IL1RL2: variants seen among roughly 807,000 people sequenced by gnomAD.
The protein encoded by IL1RL2 is interleukin 1 receptor like 2.
IL1RL2 carries 68 observed loss-of-function variants against 66.8 expected under a neutral mutation model. That is an observed-to-expected ratio of 1.02 (90% CI 0.84 to 1.25). The LOEUF (loss-of-function observed/expected upper bound fraction) is 1.25. IL1RL2 is among the 50% of genes most tolerant of loss of function. The pLI is 0.00. For synonymous variants in IL1RL2, 305 were observed against 264.6 expected (o/e 1.15, Z -1.48); for missense variants, 729 against 709.3 (o/e 1.03, Z -0.32).
chr2:102,228,469 G>C (rs191487999), intron 9 of IL1RL2, among the ~76,000 whole-genome samples: 3 of 152,354 alleles, frequency 2.0e-5, no homozygotes, highest in Non-Finnish European at 4.4e-5. Flanking sequence ...CCTAGCTGAA[G>C]TCAGCAAGTT....
At chr2:102,236,578 C>T (rs997332679) in intron 11 of IL1RL2, among the ~76,000 whole-genome samples, 9 of 152,172 alleles carry the variant, frequency 5.9e-5, no homozygotes, top group Admixed American at 2.6e-4. Context: ...ATTTTTATTT[C>T]GGTAAACTAT....
chr2:102,194,868 C>T (rs1687530080), intron 4 of IL1RL2, among the ~76,000 whole-genome samples: 1 of 152,048 alleles, frequency 6.6e-6, no homozygotes, highest in Admixed American at 6.6e-5. Context: ...CTGCCTCAGC[C>T]TCCTGAGTGG....
At chr2:102,233,876 A>G (rs540498616) in intron 10 of IL1RL2, among the ~76,000 whole-genome samples, 1 of 152,290 alleles carries the variant, frequency 6.6e-6, no homozygotes, top group Admixed American at 6.5e-5. Flanking sequence ...TTTTCTAGTC[A>G]CCAGTAAATG....
At chr2:102,226,402 A>G (rs1690620690) in intron 9 of IL1RL2, among the ~76,000 whole-genome samples, 1 of 152,224 alleles carries the variant, frequency 6.6e-6, no homozygotes, top group Non-Finnish European at 1.5e-5. Flanking sequence ...TGCTCAGCAC[A>G]GTGGGTACTT....
Position 102,219,945 on chromosome 2 carries a change from A to G in IL1RL2, c.919A>G (p.Met307Val). ...TVNITFLEVK[M>V]EDYGLPFMCH... ...AAACATCACCTTCTTGGAAGTGAAA[A>G]TGGAAGATTATGGCCTTCCTTTCAT... Residue 307 changes from methionine (M) to valine (V), a missense_variant, in exon 8 of 12, where the codon ATG becomes GTG. Met to Val is a conservative substitution (Grantham distance 21). Coordinates refer to ENST00000264257, the MANE Select transcript of IL1RL2 (RefSeq NM_003854.4). 6.2e-7 allele frequency: 1 copy of G among 1,613,798 alleles called. No individual in the cohort carries two copies. The highest frequency in any genetic ancestry group is 2.2e-5 in the East Asian group (1 of 44,884).
intron 7 of IL1RL2, 112 bp downstream of exon 7, chr2:102,219,194 T>A: frequency 8.5e-7 from 1 of 1,169,672 alleles, no homozygotes; most frequent in Non-Finnish European, 1.3e-6. Context: ...CAATGATTCA[T>A]GTTATCAATC....
At chr2:102,216,674 C>T (rs1009970209) in intron 6 of IL1RL2, among the ~76,000 whole-genome samples, 3 of 151,940 alleles carry the variant, frequency 2.0e-5, no homozygotes, top group Admixed American at 1.3e-4. Flanking sequence ...CTCTTGTTTA[C>T]TTTTGTGGTT....
intron 9 of IL1RL2, among the ~76,000 whole-genome samples, chr2:102,229,136 G>A (rs1255579106): frequency 1.3e-5 from 2 of 152,218 alleles, no homozygotes; most frequent in Non-Finnish European, 2.9e-5. Flanking sequence ...TTGAGAGAAA[G>A]TAGGGAATTG....
intron 1 of IL1RL2, chr2:102,187,476 C>G (rs1396493197): frequency 2.4e-6 from 2 of 849,454 alleles, no homozygotes; most frequent in Admixed American, 4.0e-5. Context: ...TGGGGTCCCA[C>G]GTCTGGAACC....
In IL1RL2 at chr2:102,239,233, A is replaced by ACTGGCTAAGACTTG; in HGVS notation, c.1725_*10dup. The ACTGGCTAAGACTTG allele has an allele frequency of 6.2e-7, 1 of 1,613,996 alleles. No individual in the cohort carries two copies. The stretch of plus-strand genomic sequence containing the variant: ...AAGAAGAAAGAAGTGTACTCTCACG[A>ACTGGCTAAGACTTG]CTGGCTAAGACTTGCTGGACTGACA... On this transcript the variant is annotated stop_gained and frameshift_variant, in exon 12 of 12. Coordinates refer to ENST00000264257, the MANE Select transcript of IL1RL2 (RefSeq NM_003854.4). LOFTEE classifies it high-confidence loss of function.
intron 2 of IL1RL2, 120 bp downstream of exon 2, chr2:102,188,045 G>A (rs942048748): frequency 4.3e-5 from 39 of 904,406 alleles, no homozygotes; most frequent in Non-Finnish European, 6.5e-5. Context: ...TCCCCAGACC[G>A]CCAGGCGGAG....
intron 8 of IL1RL2, 87 bp downstream of exon 8, chr2:102,220,104 TCA>T (rs781576076): frequency 1.5e-4 from 195 of 1,268,348 alleles, no homozygotes; most frequent in Non-Finnish European, 1.7e-4. Flanking sequence ...CTCTAAATGC[TCA>T]GTGTGAGGCA....
intron 9 of IL1RL2, 82 bp from the exon 10 acceptor site, chr2:102,232,881 G>T: frequency 6.6e-7 from 1 of 1,505,078 alleles, no homozygotes; most frequent in Non-Finnish European, 9.0e-7. Context: ...AGGACACCAT[G>T]GTAGCCGCTC....
intron 2 of IL1RL2, 151 bp downstream of exon 2, chr2:102,188,076 A>G: frequency 1.4e-6 from 1 of 708,314 alleles, no homozygotes; most frequent in South Asian, 1.6e-5. Flanking sequence ...GAGGAAACAG[A>G]GAACCAGCTC....
intron 5 of IL1RL2, among the ~76,000 whole-genome samples, chr2:102,210,812 G>C (rs1254331652): frequency 1.3e-5 from 2 of 152,144 alleles, no homozygotes; most frequent in Non-Finnish European, 2.9e-5. Flanking sequence ...GTCCAGAGTA[G>C]GTCATGGCCT....
intron 4 of IL1RL2, 30 bp downstream of exon 4, chr2:102,192,150 T>A (rs761857982): frequency 6.9e-7 from 1 of 1,450,744 alleles, no homozygotes; most frequent in South Asian, 1.3e-5. Context: ...TTGATATTTT[T>A]CCTCCTTTTC....
At chr2:102,241,508 A>G (rs1158112946), downstream of IL1RL2, among the ~76,000 whole-genome samples, 1 of 152,230 alleles carries the variant, frequency 6.6e-6, no homozygotes, top group African/African-American at 2.4e-5. Context: ...CACTACAAAA[A>G]GGGCCAGAGA....
chr2:102,187,829 T>G, intron 1 of IL1RL2, 27 bp from the exon 2 acceptor site: 10 of 936,532 alleles, frequency 1.1e-5, no homozygotes, highest in Non-Finnish European at 1.6e-5. Flanking sequence ...CGTCCTCCCC[T>G]CCCACCCTCT....
intron 2 of IL1RL2, 94 bp downstream of exon 2, chr2:102,188,019 G>T: frequency 3.1e-6 from 4 of 1,282,094 alleles, no homozygotes; most frequent in Non-Finnish European, 4.5e-6. Flanking sequence ...GTCAGCCCGA[G>T]CGCGGCTCCT....
Sources: gnomAD v4.1 joint callset for allele counts (sites outside exome capture counted in the v4.1 genomes callset) on GRCh38, gnomAD v4.1.1 for gene constraint, MANE v1.5 for transcripts, NCBI Gene and HGNC (gene_info 2026-07-23, HGNC 2026-07-21) for gene names.